The following RP1L1 variants were observed in gnomAD, a reference collection of about 807,000 sequenced individuals.
The protein encoded by RP1L1 is RP1 like 1.
Under a neutral mutation model 15.7 loss-of-function variants are expected in RP1L1, and 27 were observed. That is an observed-to-expected ratio of 1.72 (90% CI 1.27 to 2.38). The LOEUF is 2.38. Among genes scored for constraint, RP1L1 ranks in the 30% most tolerant of loss-of-function variants. The probability of loss-of-function intolerance (pLI) is 0.00; values close to 1 mark genes in which losing one functional copy is unlikely to be tolerated. For synonymous variants in RP1L1, 1,813 were observed against 1,276.7 expected, an observed-to-expected ratio of 1.42 and a Z score of -8.96; for missense variants, 4,798 against 3,075.9, an observed-to-expected ratio of 1.56 and a Z score of -13.24.
chr8:10,648,159 G>C (rs1798507019), intron 1 of RP1L1, among the ~76,000 whole-genome samples: 1 of 151,982 alleles, frequency 6.6e-6, no homozygotes, highest in Non-Finnish European at 1.5e-5. Context: ...GGCCTCCTGA[G>C]TAGCTGGGAC....
In RP1L1 at chr8:10,611,963, C is replaced by G. The variant is rs1797866335; in HGVS notation, c.2135G>C (p.Arg712Thr). The change falls in exon 4 of 4, where the codon AGG becomes ACG. Residue 712 changes from arginine to threonine, a missense_variant. Physicochemically the swap from Arg to Thr is moderately conservative, Grantham distance 71 (BLOSUM62 -1). Coordinates refer to ENST00000382483, the MANE Select transcript of RP1L1 (RefSeq NM_178857.6). The stretch of plus-strand genomic sequence containing the variant: ...TCTCAGGTTCCCAGAGGCCTGTGTC[C>G]TGGTGCTCGATGAGCTTCCAGAATA... ...PRYSGSSSSTRTQASGNLRPP... is the reference protein window; with the variant it reads ...PRYSGSSSSTTTQASGNLRPP... 3.1e-6 allele frequency: 5 copies of G among 1,613,886 alleles called. No homozygotes were observed. Among genetic ancestry groups the G allele is most frequent in the Non-Finnish European group, 3.4e-6 (4 of 1,180,018 alleles).
rs917186939 is a variant in RP1L1, at chr8:10,622,044, G to A, written c.609+549C>T. On this transcript the variant is annotated intron_variant, in intron 2 of 3. Transcript: ENST00000382483. The stretch of plus-strand genomic sequence containing the variant: ...AACAATAAGAGTACACAAGGCTGCT[G>A]GGCATGGTGGCTCATGCCTGTAATC... Among the ~76,000 whole-genome samples the A allele has an allele frequency of 1.3e-4, 20 of 152,284 alleles. No homozygotes were observed. The East Asian group carries it at 3.7e-3, about 28-fold the overall frequency.
chr8:10,652,567 G>A (rs1051675200), intron 1 of RP1L1, among the ~76,000 whole-genome samples: 5 of 152,130 alleles, frequency 3.3e-5, no homozygotes, highest in East Asian at 1.9e-4. Flanking sequence ...CAAGGTTCAC[G>A]TAGCTAGTGA....
In RP1L1 at chr8:10,607,017, T is replaced by G; in HGVS notation, c.7081A>C (p.Thr2361Pro). 1 of 1,614,058 alleles carries G rather than the reference T, an allele frequency of 6.2e-7. No individual in the cohort carries two copies. The highest frequency in any genetic ancestry group is 8.5e-7 in the Non-Finnish European group (1 of 1,179,996). ...CCTTCACTGGCCCCCTGCTCTGGAGTCCTTGAGCCCAAAGGGGCCTCTTCT... is the reference window on the plus strand; with the variant it reads ...CCTTCACTGGCCCCCTGCTCTGGAGGCCTTGAGCCCAAAGGGGCCTCTTCT... The part of the protein sequence containing the change: ...EQEEAPLGSR[T>P]PEQGASEGYD... Residue 2361 changes from threonine (T) to proline (P), a missense_variant, in exon 4 of 4, where the codon ACT becomes CCT. Physicochemically the swap from Thr to Pro is conservative, Grantham distance 38 (BLOSUM62 -1). Transcript: ENST00000382483.
At chr8:10,617,381 T>C (rs540313906) in intron 2 of RP1L1, among the ~76,000 whole-genome samples, 2 of 102,800 alleles carry the variant, frequency 1.9e-5, no homozygotes, top group South Asian at 5.8e-4. Flanking sequence ...TCTAAAATTA[T>C]AAGGGTATGC....
rs1797881316 is a variant in RP1L1 at position 10,612,444 on chromosome 8, G to T, written c.1654C>A (p.Pro552Thr). The change falls in exon 4 of 4, where the codon CCC becomes ACC. Residue 552 changes from proline (P) to threonine (T), a missense_variant. Transcript: ENST00000382483. ...CTTGCCTTGCCTGGACAGCCCTGGG[G>T]CCGCCCACCCCATTCGCTGGATCCC... ...HEGSSEWGGR[P>T]QGCPGKARAE... 6.2e-7 allele frequency: 1 copy of T among 1,612,600 alleles called. No individual in the cohort carries two copies. Among genetic ancestry groups the T allele is most frequent in the Non-Finnish European group, 8.5e-7 (1 of 1,180,008 alleles).
intron 3 of RP1L1, among the ~76,000 whole-genome samples, chr8:10,615,839 T>C (rs1797956066): frequency 6.6e-6 from 1 of 152,194 alleles, no homozygotes; most frequent in African/African-American, 2.4e-5. Context: ...TCTGTGCCTG[T>C]GGCTCTTAAT....
At chr8:10,645,007 G>T (rs1187376833) in intron 1 of RP1L1, among the ~76,000 whole-genome samples, 2 of 152,174 alleles carry the variant, frequency 1.3e-5, no homozygotes, top group East Asian at 3.8e-4. Flanking sequence ...CAACTTCAGT[G>T]ACCCCACTCA....
Position 10,612,939 on chromosome 8 carries a change from A to G in RP1L1, c.1159T>C (p.Cys387Arg). 1 of 1,611,406 alleles carries G rather than the reference A, an allele frequency of 6.2e-7. No individual in the cohort carries two copies. The highest frequency in any genetic ancestry group is 8.5e-7 in the Non-Finnish European group (1 of 1,179,478). ...AAGACTTCCCTGCATCCCACCCTGC[A>G]GGGCCGGGGTCCCCACACCCCAGGC... Reference protein sequence around the residue: ...SEPGVWGPRPCRVGCREVFGR... With the variant: ...SEPGVWGPRPRRVGCREVFGR... The change falls in exon 4 of 4, where the codon TGC becomes CGC. Residue 387 changes from cysteine (C) to arginine (R), a missense_variant. Cys to Arg is a radical substitution (Grantham distance 180, BLOSUM62 -3). Transcript: ENST00000382483.
Position 10,616,522 on chromosome 8 carries a change from G to A in RP1L1, c.675C>T (p.Phe225=), listed in dbSNP as rs886062585. The A allele has an allele frequency of 2.0e-5, 33 of 1,614,040 alleles. No individual in the cohort carries two copies. In the African/African-American group the frequency reaches 4.0e-4, roughly 20 times the overall value. ...TGGCATTTTTCATGGCTGGGGTTCTGAAGGCCTCATGCCCGGCACACACCA... is the reference window on the plus strand; with the variant it reads ...TGGCATTTTTCATGGCTGGGGTTCTAAAGGCCTCATGCCCGGCACACACCA... The part of the protein sequence containing the change: ...SVLVCAGHEA[F]RTPAMKNARR... Residue 225 remains phenylalanine (F), a synonymous_variant, in exon 3 of 4, where the codon TTC becomes TTT. Transcript: ENST00000382483.
intron 1 of RP1L1, among the ~76,000 whole-genome samples, chr8:10,631,371 GCACACAAACACA>G (rs1177866081): frequency 0.13 from 4,362 of 33,580 alleles, 190 homozygotes; most frequent in South Asian, 0.14. Flanking sequence ...AAACACACAT[GCACACAAACACA>G]CATGCACACA....
At position 10,612,783 on chromosome 8, in the gene RP1L1, C is replaced by G. The variant is rs751780331; in HGVS notation, c.1315G>C (p.Gly439Arg). ...CTCTCCCTCCCGGCAGTCCCGTGGC[C>G]CCACAGGCCACTGCAGCGGACGTGC... ...AQHVRCSGLWGHGTAGRERCS... is the reference protein window; with the variant it reads ...AQHVRCSGLWRHGTAGRERCS... Residue 439 changes from glycine (G) to arginine (R), a missense_variant, in exon 4 of 4, where the codon GGC becomes CGC. By Grantham distance (125) the Gly-to-Arg change is moderately radical. Coordinates refer to ENST00000382483, the MANE Select transcript of RP1L1 (RefSeq NM_178857.6). 1.1e-5 allele frequency: 18 copies of G among 1,610,374 alleles called. No individual in the cohort carries two copies. The highest frequency in any genetic ancestry group is 1.5e-5 in the Non-Finnish European group (18 of 1,179,942).
At position 10,607,238 on chromosome 8, in the gene RP1L1, G is replaced by T; in HGVS notation, c.6860C>A (p.Thr2287Asn). ...PTPPPSPGGD[T>N]PHQRPGSQTG... ...TTGGGAGCCTGGCCTTTGGTGGGGA[G>T]TGTCTCCACCTGGGGAAGGGGGTGG... is the stretch of plus-strand genomic sequence containing the variant. The change falls in exon 4 of 4, where the codon ACT becomes AAT. Residue 2287 changes from threonine to asparagine, a missense_variant. Physicochemically the swap from Thr to Asn is moderately conservative, Grantham distance 65. Transcript: ENST00000382483. 1 of 1,614,164 alleles carries T rather than the reference G, an allele frequency of 6.2e-7. No individual in the cohort carries two copies. Among genetic ancestry groups the T allele is most frequent in the Non-Finnish European group, 8.5e-7 (1 of 1,179,974 alleles).
intron 3 of RP1L1, among the ~76,000 whole-genome samples, chr8:10,613,686 C>A (rs950474375): frequency 6.6e-6 from 1 of 151,468 alleles, no homozygotes; most frequent in Admixed American, 6.6e-5. Context: ...CCTAGCTACT[C>A]GGAAGGCTGA....
chr8:10,641,110 C>T (rs777979515), intron 1 of RP1L1, among the ~76,000 whole-genome samples: 1 of 152,210 alleles, frequency 6.6e-6, no homozygotes, highest in East Asian at 1.9e-4. Context: ...GTTTTTCATA[C>T]ATTACATGGC....
intron 3 of RP1L1, among the ~76,000 whole-genome samples, chr8:10,615,088 C>T (rs1395875951): frequency 6.6e-6 from 1 of 152,178 alleles, no homozygotes; most frequent in Non-Finnish European, 1.5e-5. Flanking sequence ...CCAAATGAGA[C>T]TGGACACTCC....
chr8:10,626,296 T>A (rs1170095766), intron 1 of RP1L1, among the ~76,000 whole-genome samples: 2 of 152,066 alleles, frequency 1.3e-5, no homozygotes, highest in Non-Finnish European at 1.5e-5. Context: ...GAACCCAAGC[T>A]AGGCCCCAGA....
chr8:10,655,099 G>T lies in RP1L1; in HGVS notation c.-221C>A, dbSNP rs1798619827. On this transcript the variant is annotated 5_prime_UTR_variant, in exon 1 of 4. Transcript: ENST00000382483. ...TGAGAGCCTGAGGCCCCAGTCCCTT[G>T]GGCAGGAGCCCAGCCTCCTGAGCTC... The T allele has an allele frequency of 1.3e-5, 2 of 152,764 alleles. No individual in the cohort carries two copies. Among genetic ancestry groups the T allele is most frequent in the African/African-American group, 4.8e-5 (2 of 41,474 alleles). The allele number at this position is 152,764 out of a possible 1,614,324, so 9.5% of individuals were successfully genotyped here. A position where few individuals can be genotyped will look rare whatever the true frequency, so the allele number is the denominator to read the frequency against.
intron 2 of RP1L1, among the ~76,000 whole-genome samples, 177 bp from the exon 3 acceptor site, chr8:10,616,764 C>A (rs535311029): frequency 6.6e-6 from 1 of 152,294 alleles, no homozygotes; most frequent in South Asian, 2.1e-4. Flanking sequence ...CTATCACTAG[C>A]TGGAGGCTGA....
Sources: allele counts gnomAD v4.1 joint callset (sites outside exome capture counted in the v4.1 genomes callset), GRCh38; gene constraint gnomAD v4.1.1; transcripts MANE v1.5; gene names NCBI Gene and HGNC (gene_info 2026-07-23, HGNC 2026-07-21).